SLC24A2: variants seen among roughly 807,000 people sequenced by gnomAD.
SLC24A2 encodes sodium/potassium/calcium exchanger 2.
Under a neutral mutation model 62.0 loss-of-function variants are expected in SLC24A2, and 36 were observed. That is an observed-to-expected ratio of 0.58 (90% CI 0.44 to 0.77). SLC24A2 has a LOEUF of 0.77. Among genes scored for constraint, SLC24A2 ranks in the 30% least tolerant of loss-of-function variants. The probability of loss-of-function intolerance (pLI) is 0.00; values close to 1 mark genes in which losing one functional copy is unlikely to be tolerated. For missense variants in SLC24A2, 846 were observed against 817.9 expected (o/e 1.03, Z -0.42); for synonymous variants, 358 against 294.0 (o/e 1.22, Z -2.23).
intron 9 of SLC24A2, among the ~76,000 whole-genome samples, chr9:19,527,070 C>T (rs1261122490): frequency 6.6e-6 from 1 of 152,012 alleles, no homozygotes; most frequent in Non-Finnish European, 1.5e-5. Flanking sequence ...TATGGAAATC[C>T]AATTATTCCA....
chr9:20,165,406 TA>T, the SLC24A2 span, among the ~76,000 whole-genome samples: 1 of 151,762 alleles, frequency 6.6e-6, no homozygotes, highest in Admixed American at 6.6e-5. Context: ...ACCAAATATT[TA>T]AAAGTACTAA....
At chr9:19,749,744 T>C (rs1821929849) in intron 2 of SLC24A2, among the ~76,000 whole-genome samples, 1 of 151,950 alleles carries the variant, frequency 6.6e-6, no homozygotes, top group Non-Finnish European at 1.5e-5. Context: ...AAAACGAAAC[T>C]TACCTAGCAT....
chr9:19,577,635 A>G (rs551272598), intron 5 of SLC24A2, among the ~76,000 whole-genome samples: 2 of 152,254 alleles, frequency 1.3e-5, no homozygotes, highest in Admixed American at 6.5e-5. Flanking sequence ...GGCATTAAGA[A>G]GGCAACTGAT....
chr9:19,546,303 GCCAGATGCTCTGTC>G (rs1022269307), intron 8 of SLC24A2, among the ~76,000 whole-genome samples: 2 of 152,210 alleles, frequency 1.3e-5, no homozygotes, highest in Admixed American at 1.3e-4. Flanking sequence ...CGCCCCTTCC[GCCAGATGCTCTGTC>G]CCAGGGAGAT....
At chr9:19,777,069 A>C (rs1437537815) in intron 2 of SLC24A2, among the ~76,000 whole-genome samples, 3 of 152,332 alleles carry the variant, frequency 2.0e-5, no homozygotes, top group African/African-American at 7.2e-5. Flanking sequence ...AAACCTGCAA[A>C]AACTGCCTGG....
At chr9:19,656,585 C>A (rs181373438) in intron 2 of SLC24A2, among the ~76,000 whole-genome samples, 1 of 152,322 alleles carries the variant, frequency 6.6e-6, no homozygotes, top group Non-Finnish European at 1.5e-5. Flanking sequence ...ATTCTCACTT[C>A]TCCTATTTGG....
the SLC24A2 span, among the ~76,000 whole-genome samples, chr9:19,972,747 A>G: frequency 1.3e-5 from 2 of 152,148 alleles, no homozygotes; most frequent in African/African-American, 4.8e-5. Flanking sequence ...TTTTCCTCAA[A>G]TGGATTGGAA....
At chr9:20,198,472 A>G in the SLC24A2 span, among the ~76,000 whole-genome samples, 1 of 151,516 alleles carries the variant, frequency 6.6e-6, no homozygotes, top group African/African-American at 2.4e-5. Context: ...TCTTTTCCCT[A>G]CCCCTCCCTT....
At position 19,520,969 on chromosome 9, in the gene SLC24A2, A is replaced by G. The variant is rs1411550665; in HGVS notation, c.1661T>C (p.Ile554Thr). ...GTCCCCTAACCCCTTCCGGGCCACT[A>G]TGACACTGGTGATAAGATCAGGGAT... ...TSIPDLITSVIVARKGLGDMA... is the reference protein window; with the variant it reads ...TSIPDLITSVTVARKGLGDMA... Residue 554 changes from isoleucine (I) to threonine (T), a missense_variant, in exon 10 of 11, where the codon ATA becomes ACA. Ile to Thr is a moderately conservative substitution (Grantham distance 89, BLOSUM62 -1). Coordinates refer to ENST00000341998, the MANE Select transcript of SLC24A2 (RefSeq NM_020344.4). 1.2e-6 allele frequency: 2 copies of G among 1,614,066 alleles called. No individual in the cohort carries two copies. Among genetic ancestry groups the G allele is most frequent in the South Asian group, 1.1e-5 (1 of 91,070 alleles).
the SLC24A2 span, among the ~76,000 whole-genome samples, chr9:19,983,306 C>G: frequency 6.6e-6 from 1 of 152,104 alleles, no homozygotes; most frequent in Non-Finnish European, 1.5e-5. Context: ...CCTACTAGAG[C>G]TACTAGACTT....
the SLC24A2 span, among the ~76,000 whole-genome samples, chr9:19,819,357 T>A: frequency 6.6e-6 from 1 of 152,068 alleles, no homozygotes; most frequent in South Asian, 2.1e-4. Flanking sequence ...TGGGACCTAA[T>A]TAAACTAAAG....
At chr9:19,748,407 A>C (rs979079135) in intron 2 of SLC24A2, among the ~76,000 whole-genome samples, 12 of 152,170 alleles carry the variant, frequency 7.9e-5, no homozygotes, top group African/African-American at 2.9e-4. Flanking sequence ...GTATAACACA[A>C]GAAGTTTTAG....
chr9:19,981,771 C>A, the SLC24A2 span, among the ~76,000 whole-genome samples: 12 of 152,258 alleles, frequency 7.9e-5, no homozygotes, highest in Non-Finnish European at 1.0e-4. Flanking sequence ...ATGGGAAGTT[C>A]TTTACAAGGC....
At chr9:19,536,254 GGTTA>G (rs1201600245) in intron 8 of SLC24A2, among the ~76,000 whole-genome samples, 2 of 149,614 alleles carry the variant, frequency 1.3e-5, no homozygotes, top group Non-Finnish European at 3.0e-5. Flanking sequence ...ACATTGTGCA[GGTTA>G]GTTACATATG....
At chr9:20,040,161 C>T in the SLC24A2 span, among the ~76,000 whole-genome samples, 1 of 152,132 alleles carries the variant, frequency 6.6e-6, no homozygotes, top group Non-Finnish European at 1.5e-5. Context: ...AACATGTAAC[C>T]AACACTTACC....
chr9:20,292,469 A>G, the SLC24A2 span, among the ~76,000 whole-genome samples: 1 of 152,236 alleles, frequency 6.6e-6, no homozygotes, highest in Non-Finnish European at 1.5e-5. Context: ...ACTTAAAGTC[A>G]TAATAAATAG....
the SLC24A2 span, among the ~76,000 whole-genome samples, chr9:20,106,573 T>C: frequency 4.2e-4 from 64 of 152,294 alleles, no homozygotes; most frequent in Admixed American, 1.3e-3. Flanking sequence ...TAATCCAGCA[T>C]GTAAACAGAA....
At chr9:20,071,829 A>C in the SLC24A2 span, among the ~76,000 whole-genome samples, 21 of 152,130 alleles carry the variant, frequency 1.4e-4, no homozygotes, top group Non-Finnish European at 2.9e-4. Flanking sequence ...AATAGTCTTC[A>C]AGTTGGGGTT....
the SLC24A2 span, among the ~76,000 whole-genome samples, chr9:20,281,195 G>GAGGAATTCCACGC: frequency 6.6e-6 from 1 of 152,142 alleles, no homozygotes; most frequent in South Asian, 2.1e-4. Flanking sequence ...CTCCCAAAGT[G>GAGGAATTCCACGC]CTGGGAATAC....
Sources: gnomAD v4.1 joint callset for allele counts (sites outside exome capture counted in the v4.1 genomes callset) on GRCh38, gnomAD v4.1.1 for gene constraint, MANE v1.5 for transcripts, NCBI Gene and HGNC (gene_info 2026-07-23, HGNC 2026-07-21) for gene names.